Variants in PDE11A observed in about 807,000 individuals in gnomAD.
PDE11A encodes phosphodiesterase 11A, also known as dual 3',5'-cyclic-AMP and -GMP phosphodiesterase 11A.
A neutral mutation model predicts 100.5 loss-of-function variants in PDE11A; 100 were observed. That is an observed-to-expected ratio of 1.00 (90% CI 0.85 to 1.18). The LOEUF (loss-of-function observed/expected upper bound fraction) is 1.18, where lower values mean the gene tolerates loss of function less well. Among genes scored for constraint, PDE11A ranks in the 50% most tolerant of loss-of-function variants. The pLI, the probability that PDE11A is intolerant of heterozygous loss-of-function variation, is 0.00. For missense variants in PDE11A, 1,141 were observed against 1,152.6 expected (o/e 0.99, Z 0.15); for synonymous variants, 381 against 420.8 (o/e 0.91, Z 1.16).
At chr2:178,010,115 C>T (rs2086258820) in intron 2 of PDE11A, among the ~76,000 whole-genome samples, 1 of 152,196 alleles carries the variant, frequency 6.6e-6, no homozygotes, top group Non-Finnish European at 1.5e-5. Flanking sequence ...TTTTACTCCA[C>T]ACAACAACCA....
intron 15 of PDE11A, chr2:177,687,491 T>C (rs2080970184): frequency 1.3e-5 from 2 of 152,206 alleles, no homozygotes; most frequent in Non-Finnish European, 2.9e-5. Flanking sequence ...CCCATGTTGT[T>C]ATATATAATT....
intron 2 of PDE11A, among the ~76,000 whole-genome samples, chr2:178,006,749 T>G (rs2086216533): frequency 6.6e-6 from 1 of 151,090 alleles, no homozygotes; most frequent in African/African-American, 2.4e-5. Context: ...AAATTAAAAA[T>G]AAACGGCATT....
chr2:177,947,075 G>A (rs2085449229), intron 2 of PDE11A, among the ~76,000 whole-genome samples: 1 of 72,326 alleles, frequency 1.4e-5, no homozygotes, highest in Non-Finnish European at 3.0e-5. Context: ...GCCTCTGCCC[G>A]GCCGCCCCTA....
At chr2:177,991,191 G>C (rs1241561215) in intron 2 of PDE11A, among the ~76,000 whole-genome samples, 2 of 150,054 alleles carry the variant, frequency 1.3e-5, no homozygotes, top group Admixed American at 6.7e-5. Flanking sequence ...TGGGTGTGGT[G>C]GTACTCACCT....
At chr2:177,766,684 A>G (rs1015077487) in intron 10 of PDE11A, among the ~76,000 whole-genome samples, 43 of 152,360 alleles carry the variant, frequency 2.8e-4, no homozygotes, top group African/African-American at 1.0e-3. Context: ...TGTTAAGCCC[A>G]CTACATTTTA....
intron 1 of PDE11A, among the ~76,000 whole-genome samples, chr2:178,048,339 C>CT (rs1253852260): frequency 6.6e-6 from 1 of 151,918 alleles, no homozygotes; most frequent in Non-Finnish European, 1.5e-5. Flanking sequence ...GGATGGGGGG[C>CT]TGGGGGCGCG....
At chr2:178,016,491 A>G (rs1243337576) in intron 1 of PDE11A, among the ~76,000 whole-genome samples, 2 of 152,222 alleles carry the variant, frequency 1.3e-5, no homozygotes, top group African/African-American at 4.8e-5. Context: ...CTGAGGAACT[A>G]CTACATGTCA....
chr2:177,969,550 G>A (rs532505444), intron 2 of PDE11A, among the ~76,000 whole-genome samples: 96 of 152,224 alleles, frequency 6.3e-4, no homozygotes, highest in African/African-American at 2.2e-3. Flanking sequence ...TAGAAATCAA[G>A]GAACAGAGAT....
chr2:177,792,897 T>C lies in PDE11A; in HGVS notation c.1738-23524A>G, dbSNP rs186798917. On this transcript the variant is annotated intron_variant, in intron 9 of 19. Transcript: ENST00000286063. The stretch of plus-strand genomic sequence containing the variant: ...CAGGCAAACATACAAGTTGAAATAA[T>C]TGCTACAAAGTCAAGTAGCAAAATG... Among the ~76,000 whole-genome samples, 281 of 152,240 alleles carry C rather than the reference T, an allele frequency of 1.8e-3. 1 individual carries two copies. Among genetic ancestry groups the C allele is most frequent in the African/African-American group, 6.5e-3 (272 of 41,542 alleles).
At chr2:177,922,131 C>T (rs2105755030) in intron 2 of PDE11A, among the ~76,000 whole-genome samples, 1 of 152,252 alleles carries the variant, frequency 6.6e-6, no homozygotes, top group Non-Finnish European at 1.5e-5. Flanking sequence ...TCTCACTCTC[C>T]TCTCTTTCTA....
At chr2:177,629,604 AAC>A in intron 19 of PDE11A, 42 bp from the exon 20 acceptor site, 1 of 1,600,894 alleles carries the variant, frequency 6.2e-7, no homozygotes, top group Non-Finnish European at 8.6e-7. Flanking sequence ...GGAGAGAGGA[AAC>A]AGAGTAACTG....
At chr2:177,729,510 A>G (rs2081650981) in intron 10 of PDE11A, among the ~76,000 whole-genome samples, 2 of 152,136 alleles carry the variant, frequency 1.3e-5, no homozygotes, top group Non-Finnish European at 2.9e-5. Flanking sequence ...ATCCTCTAAC[A>G]GATTCCCAAG....
intron 4 of PDE11A, among the ~76,000 whole-genome samples, chr2:177,896,096 TC>T (rs1382833301): frequency 1.4e-4 from 22 of 152,070 alleles, no homozygotes; most frequent in Non-Finnish European, 2.9e-4. Flanking sequence ...CCAACATTAG[TC>T]TTAGAATGTT....
intron 2 of PDE11A, among the ~76,000 whole-genome samples, chr2:177,928,138 G>C (rs911024576): frequency 6.9e-6 from 1 of 143,888 alleles, no homozygotes; most frequent in Non-Finnish European, 1.5e-5. Context: ...CCATGAGATA[G>C]AGGAAACATC....
intron 5 of PDE11A, among the ~76,000 whole-genome samples, chr2:177,861,938 A>C (rs1410246131): frequency 2.6e-5 from 4 of 152,094 alleles, no homozygotes; most frequent in Non-Finnish European, 5.9e-5. Flanking sequence ...TCAAGGGCCT[A>C]GATGCAAAAG....
intron 5 of PDE11A, among the ~76,000 whole-genome samples, chr2:177,853,516 G>T (rs1237725468): frequency 6.6e-6 from 1 of 150,578 alleles, no homozygotes; most frequent in African/African-American, 2.4e-5. Flanking sequence ...TGATACTAGA[G>T]CAGTCAGGAT....
intron 10 of PDE11A, among the ~76,000 whole-genome samples, chr2:177,734,895 T>A (rs2081751504): frequency 6.6e-6 from 1 of 152,040 alleles, no homozygotes; most frequent in Non-Finnish European, 1.5e-5. Context: ...ATAGGGTGAG[T>A]GGAGAAGATT....
chr2:177,920,764 A>G (rs2085027650), intron 2 of PDE11A, among the ~76,000 whole-genome samples: 1 of 152,084 alleles, frequency 6.6e-6, no homozygotes, highest in Non-Finnish European at 1.5e-5. Context: ...TTTTGCTTCA[A>G]TTAAAAAATT....
At chr2:177,673,714 A>G (rs2080722207) in intron 17 of PDE11A, among the ~76,000 whole-genome samples, 1 of 152,198 alleles carries the variant, frequency 6.6e-6, no homozygotes, top group East Asian at 1.9e-4. Flanking sequence ...GGGAGAATGA[A>G]TCACATTTTT....
Sources: allele counts gnomAD v4.1 joint callset (sites outside exome capture counted in the v4.1 genomes callset), GRCh38; gene constraint gnomAD v4.1.1; transcripts MANE v1.5; gene names NCBI Gene and HGNC (gene_info 2026-07-23, HGNC 2026-07-21).